Variants in ARHGAP24 observed in about 807,000 individuals in gnomAD.
ARHGAP24 encodes the protein rho GTPase-activating protein 24.
ARHGAP24 carries 50 observed loss-of-function variants against 76.4 expected under a neutral mutation model. The ratio of observed to expected loss-of-function variants is 0.65; its 90% confidence interval spans 0.52 to 0.83. The LOEUF (loss-of-function observed/expected upper bound fraction) is 0.83. ARHGAP24 is among the 40% of genes least tolerant of loss of function. The pLI, the probability that ARHGAP24 is intolerant of heterozygous loss-of-function variation, is 0.00. For synonymous variants in ARHGAP24, 345 were observed against 323.3 expected, an observed-to-expected ratio of 1.07 and a Z score of -0.72; for missense variants, 930 against 914.2, an observed-to-expected ratio of 1.02 and a Z score of -0.22.
intron 1 of ARHGAP24, among the ~76,000 whole-genome samples, chr4:85,547,869 T>G (rs991701505): frequency 9.8e-5 from 15 of 152,332 alleles, no homozygotes; most frequent in African/African-American, 3.1e-4. Flanking sequence ...CTGTCAAACT[T>G]CTACCTACTA....
chr4:85,522,384 T>A (rs1724812103), intron 1 of ARHGAP24, among the ~76,000 whole-genome samples: 1 of 152,204 alleles, frequency 6.6e-6, no homozygotes. Context: ...TGAACATACA[T>A]AATTGCTACA....
At chr4:85,770,587 C>T (rs72656298) in intron 3 of ARHGAP24, among the ~76,000 whole-genome samples, 8,664 of 152,200 alleles carry the variant, frequency 0.057, 350 homozygotes, top group Middle Eastern at 0.095. Context: ...TTAAAACATA[C>T]GGGAGATAAT....
chr4:85,777,974 T>C (rs1840060), intron 3 of ARHGAP24, among the ~76,000 whole-genome samples: 142,741 of 152,128 alleles, frequency 0.94, 67,640 homozygotes, highest in East Asian at 1. Flanking sequence ...CAAAACCAAA[T>C]GTGTGTATTC....
Position 85,964,264 on chromosome 4 carries a change from T to A in ARHGAP24, c.600-7772T>A, listed in dbSNP as rs145764754. ...TTGACTTCTAGGTTTCTTGCTTGTT[T>A]GTGTAAATGGTGAGGCCATCCACTG... is the stretch of plus-strand genomic sequence containing the variant. On this transcript the variant is annotated intron_variant, in intron 5 of 9. Coordinates refer to ENST00000395184, the MANE Select transcript of ARHGAP24 (RefSeq NM_001025616.3). Among the ~76,000 whole-genome samples the A allele has an allele frequency of 4.6e-5, 7 of 152,234 alleles. No individual in the cohort carries two copies. In the East Asian group the frequency reaches 1.4e-3, roughly 29 times the overall value.
Position 85,616,671 on chromosome 4 carries a change from A to C in ARHGAP24, c.180+45950A>C, listed in dbSNP as rs185540262. Among the ~76,000 whole-genome samples the C allele has an allele frequency of 1.1e-4, 17 of 152,264 alleles. No individual in the cohort carries two copies. In the East Asian group the frequency reaches 3.3e-3, roughly 29 times the overall value. On this transcript the variant is annotated intron_variant, in intron 2 of 9. Coordinates refer to ENST00000395184, the MANE Select transcript of ARHGAP24 (RefSeq NM_001025616.3). ...AAGATGGAGTCTCATTCTGTCGCGC[A>C]GGCTGGAGTGCAGTGGCACGATCTC...
At chr4:85,480,602 T>C (rs1180625319) in intron 1 of ARHGAP24, among the ~76,000 whole-genome samples, 1 of 152,202 alleles carries the variant, frequency 6.6e-6, no homozygotes, top group East Asian at 1.9e-4. Flanking sequence ...TAAATTTGCA[T>C]GGTATGGCTT....
intron 3 of ARHGAP24, among the ~76,000 whole-genome samples, chr4:85,844,910 A>T (rs1730794201): frequency 1.3e-5 from 2 of 152,210 alleles, no homozygotes; most frequent in Admixed American, 6.5e-5. Flanking sequence ...TGGACATTGG[A>T]ATAGGGTTGG....
At position 85,759,377 on chromosome 4, in the gene ARHGAP24, A is replaced by G. The variant is rs77183606; in HGVS notation, c.268+37405A>G. On this transcript the variant is annotated intron_variant, in intron 3 of 9. Coordinates refer to ENST00000395184, the MANE Select transcript of ARHGAP24 (RefSeq NM_001025616.3). ...ACCTGAACCAGCCCTCAAAATATAG[A>G]TAGGATTTTTACCAGCAAAGTTGTG... 1.2e-4 allele frequency among the ~76,000 whole-genome samples: 19 copies of G among 152,170 alleles called. No individual in the cohort carries two copies. In the East Asian group the frequency reaches 1.6e-3, roughly 12 times the overall value.
intron 1 of ARHGAP24, among the ~76,000 whole-genome samples, chr4:85,521,994 A>G (rs577641582): frequency 3.2e-4 from 48 of 152,302 alleles, no homozygotes; most frequent in Middle Eastern, 6.8e-3. Context: ...CCTGTTTTGT[A>G]GAAATTCTGA....
chr4:85,515,401 G>T, intron 1 of ARHGAP24, among the ~76,000 whole-genome samples: 1 of 144,284 alleles, frequency 6.9e-6, no homozygotes, highest in Non-Finnish European at 1.5e-5. Flanking sequence ...GGGGAGGTTT[G>T]GGTTGTGCAA....
intron 1 of ARHGAP24, among the ~76,000 whole-genome samples, chr4:85,513,068 G>A (rs1339530458): frequency 6.6e-6 from 1 of 152,226 alleles, no homozygotes; most frequent in Admixed American, 6.5e-5. Context: ...CTCCCTCTGT[G>A]GCACAACTGT....
At chr4:85,706,123 A>T (rs1724299241) in intron 2 of ARHGAP24, among the ~76,000 whole-genome samples, 1 of 152,202 alleles carries the variant, frequency 6.6e-6, no homozygotes, top group Admixed American at 6.5e-5. Flanking sequence ...CTCAAGCTGG[A>T]TGAAGACAGA....
In ARHGAP24 at chr4:85,825,112, C is replaced by CA. The variant is rs201595083; in HGVS notation, c.269-98527dup. Among the ~76,000 whole-genome samples, 644 of 149,182 alleles carry CA rather than the reference C, an allele frequency of 4.3e-3. 7 individuals are homozygous for CA. The highest frequency in any genetic ancestry group is 4.3e-3 in the Non-Finnish European group (290 of 67,134). On this transcript the variant is annotated intron_variant, in intron 3 of 9. Coordinates refer to ENST00000395184, the MANE Select transcript of ARHGAP24 (RefSeq NM_001025616.3). ...CTCAAAAAAACGAAACGAAACAAAA[C>CA]AAAAAAAAAGAAAAGAAAAGAAAAG...
At chr4:85,518,847 C>T (rs1994068) in intron 1 of ARHGAP24, among the ~76,000 whole-genome samples, 38,256 of 152,076 alleles carry the variant, frequency 0.25, 6,549 homozygotes, top group East Asian at 0.78. Flanking sequence ...GTAAGTTTTT[C>T]GAATAATGAC....
intron 8 of ARHGAP24, among the ~76,000 whole-genome samples, chr4:85,979,887 T>C (rs1297111641): frequency 6.6e-6 from 1 of 152,216 alleles, no homozygotes; most frequent in African/African-American, 2.4e-5. Flanking sequence ...TGTATTAAAA[T>C]CAATTTGCTT....
intron 8 of ARHGAP24, among the ~76,000 whole-genome samples, chr4:85,982,944 C>T (rs1739762083): frequency 6.6e-6 from 1 of 152,006 alleles, no homozygotes; most frequent in African/African-American, 2.4e-5. Context: ...CAACAAACAC[C>T]AGTGTGTGTT....
intron 2 of ARHGAP24, among the ~76,000 whole-genome samples, chr4:85,720,087 G>T (rs147584561): frequency 6.6e-6 from 1 of 151,560 alleles, no homozygotes; most frequent in Non-Finnish European, 1.5e-5. Context: ...ACACAGGAAG[G>T]GGGACATCAC....
At chr4:85,685,046 A>T (rs1254050191) in intron 2 of ARHGAP24, among the ~76,000 whole-genome samples, 1 of 152,200 alleles carries the variant, frequency 6.6e-6, no homozygotes, top group Admixed American at 6.5e-5. Context: ...TGGTTTCATT[A>T]TTAGATTCAG....
intron 1 of ARHGAP24, among the ~76,000 whole-genome samples, chr4:85,488,750 G>C (rs1202846514): frequency 6.6e-6 from 1 of 152,108 alleles, no homozygotes; most frequent in South Asian, 2.1e-4. Flanking sequence ...TTTGCAACTA[G>C]AAGGGTACTA....
Sources: allele counts gnomAD v4.1 joint callset (sites outside exome capture counted in the v4.1 genomes callset), GRCh38; gene constraint gnomAD v4.1.1; transcripts MANE v1.5; gene names NCBI Gene and HGNC (gene_info 2026-07-23, HGNC 2026-07-21).